PHACTR3: variants seen among roughly 807,000 people sequenced by gnomAD.
The protein encoded by PHACTR3 is protein phosphatase 1, regulatory subunit 123.
Under a neutral mutation model 66.8 loss-of-function variants are expected in PHACTR3, and 16 were observed. The observed-to-expected ratio is 0.24, with a 90% CI of 0.16 to 0.36. PHACTR3 has a LOEUF of 0.36. Among genes scored for constraint, PHACTR3 ranks in the 10% least tolerant of loss-of-function variants. The pLI, the probability that PHACTR3 is intolerant of heterozygous loss-of-function variation, is 1.00. For missense variants in PHACTR3, 647 were observed against 719.9 expected (o/e 0.90, Z 1.16); for synonymous variants, 323 against 292.1 (o/e 1.11, Z -1.08).
intron 1 of PHACTR3, among the ~76,000 whole-genome samples, chr20:59,666,806 G>A (rs760119867): frequency 2.6e-5 from 4 of 152,204 alleles, no homozygotes; most frequent in African/African-American, 4.8e-5. Flanking sequence ...GGGCAGGCTC[G>A]CGGTCCAGGT....
In PHACTR3 at chr20:59,812,784, C is replaced by T. The variant is rs778374409; in HGVS notation, c.1328+6590C>T. On this transcript the variant is annotated intron_variant, in intron 8 of 12. Transcript: ENST00000371015. ...AATGCCAGCCTTCATAATGACACCA[C>T]TAATAGCATCTGAGAGGGTCTGCCG... Among the ~76,000 whole-genome samples, 52 of 152,198 alleles carry T rather than the reference C, an allele frequency of 3.4e-4. 1 individual carries two copies. Among genetic ancestry groups the T allele is most frequent in the Non-Finnish European group, 5.4e-4 (37 of 68,032 alleles).
At chr20:59,644,867 A>G (rs2035229735) in intron 1 of PHACTR3, among the ~76,000 whole-genome samples, 2 of 151,890 alleles carry the variant, frequency 1.3e-5, no homozygotes, top group Non-Finnish European at 2.9e-5. Flanking sequence ...ATAAAATTTC[A>G]GTTTTTATTT....
chr20:59,742,938 G>A (rs1464388568), intron 1 of PHACTR3, among the ~76,000 whole-genome samples, 169 bp from the exon 2 acceptor site: 1 of 152,210 alleles, frequency 6.6e-6, no homozygotes, highest in African/African-American at 2.4e-5. Context: ...AGCGCACGCT[G>A]CTGAGCTGCT....
intron 7 of PHACTR3, among the ~76,000 whole-genome samples, chr20:59,783,481 A>G (rs1221373262): frequency 7.1e-6 from 1 of 141,582 alleles, no homozygotes; most frequent in African/African-American, 2.7e-5. Flanking sequence ...CCCATCAAGT[A>G]CCTTGATAAG....
intron 1 of PHACTR3, among the ~76,000 whole-genome samples, chr20:59,672,649 G>A (rs569613903): frequency 7.2e-5 from 11 of 152,308 alleles, no homozygotes; most frequent in South Asian, 4.1e-4. Flanking sequence ...CCTGATAAAC[G>A]TGCGTGAGCA....
rs2039221156 is a variant in PHACTR3 at position 59,742,959 on chromosome 20, T to G, written c.119-148T>G. ...CGCTGCTGAGCTGCTGCGGCCACTG[T>G]GGGTGCACTGCTGGACAACCATCCT... On this transcript the variant is annotated intron_variant, in intron 1 of 12. Coordinates refer to ENST00000371015, the MANE Select transcript of PHACTR3 (RefSeq NM_080672.5). 5 of 850,626 alleles carry G rather than the reference T, an allele frequency of 5.9e-6. No homozygotes were observed. In the South Asian group the frequency reaches 7.3e-5, roughly 12 times the overall value. The allele number at this position is 850,626 out of a possible 1,614,324, so 52.7% of individuals were successfully genotyped here.
At chr20:59,743,074 C>T (rs745460682) in intron 1 of PHACTR3, 33 bp from the exon 2 acceptor site, 20 of 1,598,430 alleles carry the variant, frequency 1.3e-5, no homozygotes, top group Non-Finnish European at 1.6e-5. Context: ...GTTTGGTGGC[C>T]ACTTGAGGAC....
At chr20:59,742,873 G>C (rs1040877664) in intron 1 of PHACTR3, among the ~76,000 whole-genome samples, 1 of 152,184 alleles carries the variant, frequency 6.6e-6, no homozygotes, top group African/African-American at 2.4e-5. Flanking sequence ...GAAGGCGAAG[G>C]CTTCTGGTGG....
chr20:59,746,686 G>C (rs990795540), intron 2 of PHACTR3, among the ~76,000 whole-genome samples: 1 of 152,236 alleles, frequency 6.6e-6, no homozygotes, highest in Non-Finnish European at 1.5e-5. Flanking sequence ...AGCCAGGTGG[G>C]CTGACTCTGT....
chr20:59,631,630 A>G (rs915926443), intron 1 of PHACTR3, among the ~76,000 whole-genome samples: 1 of 152,230 alleles, frequency 6.6e-6, no homozygotes, highest in Non-Finnish European at 1.5e-5. Flanking sequence ...TTGGTTTCAC[A>G]ACAGTATAAT....
At chr20:59,773,874 T>A (rs2040438480) in intron 6 of PHACTR3, among the ~76,000 whole-genome samples, 3 of 152,262 alleles carry the variant, frequency 2.0e-5, no homozygotes, top group Admixed American at 2.0e-4. Flanking sequence ...GGATCACATG[T>A]GTCTCATGGA....
In PHACTR3 at chr20:59,820,459, C is replaced by T. The variant is rs1321590417; in HGVS notation, c.1328+14265C>T. 6.6e-6 allele frequency among the ~76,000 whole-genome samples: 1 copy of T among 152,214 alleles called. No individual in the cohort carries two copies. The highest frequency in any genetic ancestry group is 1.5e-5 in the Non-Finnish European group (1 of 68,042). ...GGTAGCTAAGCAACAGAACACACAG[C>T]TTCCAAATTGGGACAAGTTTAAACT... On this transcript the variant is annotated intron_variant, in intron 8 of 12. Coordinates refer to ENST00000371015, the MANE Select transcript of PHACTR3 (RefSeq NM_080672.5). The surrounding 1 kb of genome is among the most constrained non-coding windows in gnomAD (Gnocchi z 4.6).
At chr20:59,764,307 C>A (rs888067480) in intron 4 of PHACTR3, among the ~76,000 whole-genome samples, 1 of 150,818 alleles carries the variant, frequency 6.6e-6, no homozygotes, top group South Asian at 2.1e-4. Flanking sequence ...AGGACACTGA[C>A]CCCAGGCTGC....
intron 4 of PHACTR3, among the ~76,000 whole-genome samples, chr20:59,765,894 C>T (rs76125123): frequency 0.022 from 3,423 of 152,250 alleles, 56 homozygotes; most frequent in Non-Finnish European, 0.035. Context: ...GGAGAGTGTT[C>T]GTGTGTTCTT....
intron 1 of PHACTR3, among the ~76,000 whole-genome samples, chr20:59,725,001 C>T (rs1321003823): frequency 2.0e-5 from 3 of 149,176 alleles, no homozygotes; most frequent in African/African-American, 7.4e-5. Flanking sequence ...TGGGTTTGAG[C>T]TCAGGTATGT....
intron 7 of PHACTR3, among the ~76,000 whole-genome samples, chr20:59,799,540 AC>A (rs1196699690): frequency 3.9e-5 from 6 of 152,148 alleles, no homozygotes; most frequent in Non-Finnish European, 7.4e-5. Flanking sequence ...TTTTCAAAGA[AC>A]CTGATGAGGT....
At chr20:59,590,339 G>A (rs2033148779) in intron 1 of PHACTR3, among the ~76,000 whole-genome samples, 1 of 152,198 alleles carries the variant, frequency 6.6e-6, no homozygotes, top group South Asian at 2.1e-4. Context: ...ATACCTTCCT[G>A]TGTTTGGGGT....
rs1219883062 is a variant in PHACTR3 at position 59,605,023 on chromosome 20, G to C, written c.9G>C (p.Ala3=). 4.5e-6 allele frequency: 6 copies of C among 1,335,574 alleles called. No homozygotes were observed. The highest frequency in any genetic ancestry group is 1.5e-5 in the African/African-American group (1 of 65,476). 82.7% of individuals were successfully genotyped at this position (1,335,574 alleles called of 1,614,324 possible). The change falls in exon 1 of 13, where the codon GCG becomes GCC. Residue 3 remains alanine (A), a synonymous_variant. Coordinates refer to ENST00000371015, the MANE Select transcript of PHACTR3 (RefSeq NM_080672.5). Reference sequence around the variant, plus strand: ...CCGCGCCGGCCGGGCCCATGGCCGCGTCGGAGGACGGGAGCGGCTGCCTCG... The same window carrying C: ...CCGCGCCGGCCGGGCCCATGGCCGCCTCGGAGGACGGGAGCGGCTGCCTCG... The part of the protein sequence containing the change: MA[A]SEDGSGCLVS...
At chr20:59,583,582 G>A (rs561539072) in intron 1 of PHACTR3, among the ~76,000 whole-genome samples, 95 of 152,368 alleles carry the variant, frequency 6.2e-4, no homozygotes, top group Middle Eastern at 3.4e-3. Flanking sequence ...AAGCAGCCTC[G>A]GACTGACTCC....
Sources: gnomAD v4.1 joint callset for allele counts (sites outside exome capture counted in the v4.1 genomes callset) on GRCh38, gnomAD v4.1.1 for gene constraint, Gnocchi (gnomAD v3.1) non-coding constraint, MANE v1.5 for transcripts, NCBI Gene and HGNC (gene_info 2026-07-23, HGNC 2026-07-21) for gene names.